SLC6A16: variants seen among roughly 807,000 people sequenced by gnomAD.
SLC6A16 encodes the protein orphan sodium- and chloride-dependent neurotransmitter transporter NTT5.
Under a neutral mutation model 65.4 loss-of-function variants are expected in SLC6A16, and 54 were observed. The ratio of observed to expected loss-of-function variants is 0.83; its 90% CI spans 0.66 to 1.04. The LOEUF (loss-of-function observed/expected upper bound fraction) is 1.04. Ranked by LOEUF, SLC6A16 falls within the 50% of genes least tolerant of loss-of-function variation. The pLI, the probability that SLC6A16 is intolerant of heterozygous loss-of-function variation, is 0.00. For synonymous variants in SLC6A16, 330 were observed against 346.5 expected (o/e 0.95, Z 0.53); for missense variants, 816 against 914.0 (o/e 0.89, Z 1.38).
chr19:49,293,702 T>A, intron 9 of SLC6A16, 125 bp downstream of exon 9: 2 of 825,058 alleles, frequency 2.4e-6, no homozygotes, highest in Middle Eastern at 7.3e-4. Flanking sequence ...AGGCAGAAGT[T>A]GCAGTAAGCC....
intron 1 of SLC6A16, among the ~76,000 whole-genome samples, chr19:49,318,686 A>ATAGCTAGATAGCTAGC (rs1473634695): frequency 5.9e-5 from 9 of 152,134 alleles, no homozygotes. Context: ...GGAATATAAG[A>ATAGCTAGATAGCTAGC]TAGCTAGATA....
chr19:49,300,389 G>A (rs1467159851), intron 7 of SLC6A16, among the ~76,000 whole-genome samples: 1 of 152,152 alleles, frequency 6.6e-6, no homozygotes, highest in African/African-American at 2.4e-5. Context: ...AGGAATGCAT[G>A]TAAATGGATA....
chr19:49,330,237 C>T, the SLC6A16 span, among the ~76,000 whole-genome samples: 1 of 151,950 alleles, frequency 6.6e-6, no homozygotes, highest in Non-Finnish European at 1.5e-5. Flanking sequence ...TCGTTTTGGG[C>T]GTGTTAAGTT....
At chr19:49,333,744 G>T in the SLC6A16 span, among the ~76,000 whole-genome samples, 1 of 152,198 alleles carries the variant, frequency 6.6e-6, no homozygotes. Context: ...AGAGACTGAT[G>T]CGCTGTTGGG....
At chr19:49,304,595 G>A (rs973477526) in intron 7 of SLC6A16, among the ~76,000 whole-genome samples, 2 of 152,086 alleles carry the variant, frequency 1.3e-5, no homozygotes, top group Middle Eastern at 3.4e-3. Flanking sequence ...GAGAAACCCC[G>A]TCTCTACTAA....
Position 49,292,200 on chromosome 19 carries a change from C to G in SLC6A16, c.1778+1023G>C, listed in dbSNP as rs554935830. Among the ~76,000 whole-genome samples, 1 of 152,194 alleles carries G rather than the reference C, an allele frequency of 6.6e-6. No individual in the cohort carries two copies. Among genetic ancestry groups the G allele is most frequent in the Non-Finnish European group, 1.5e-5 (1 of 68,002 alleles). On this transcript the variant is annotated intron_variant, in intron 10 of 11. Transcript: ENST00000335875. This position sits in a 1 kb window ranked among gnomAD's most constrained non-coding sequence, Gnocchi z 4.3. ...TGGCCAACATGGTGAAACCCCGTCT[C>G]TACTAAGAATACAAAAATTAGCCGG...
the SLC6A16 span, among the ~76,000 whole-genome samples, chr19:49,332,851 T>C: frequency 6.6e-6 from 1 of 151,888 alleles, no homozygotes; most frequent in Non-Finnish European, 1.5e-5. Flanking sequence ...CAGAGAGGCG[T>C]TGGTGGTGGT....
intron 7 of SLC6A16, among the ~76,000 whole-genome samples, chr19:49,296,076 G>A (rs1380886933): frequency 5.9e-5 from 9 of 152,058 alleles, no homozygotes; most frequent in Non-Finnish European, 1.2e-4. Flanking sequence ...TGCAACCTCC[G>A]CCTCCCAGGT....
intron 7 of SLC6A16, among the ~76,000 whole-genome samples, chr19:49,298,683 C>T (rs1411536402): frequency 6.6e-6 from 1 of 152,170 alleles, no homozygotes; most frequent in African/African-American, 2.4e-5. Context: ...TACCATTCAA[C>T]CCAGCAATCC....
chr19:49,290,227 G>C lies in SLC6A16; in HGVS notation c.2107C>G (p.Leu703Val). ...GDGPMTASTS[L>V]PLSHQLTPSK... is the part of the protein sequence containing the mutation. ...GGTGTTAGCTGGTGACTTAGGGGTA[G>C]GGATGTGGAGGCTGTCATAGGCCCG... Residue 703 changes from leucine (L) to valine (V), a missense_variant, in exon 12 of 12, where the codon CTA becomes GTA. Leu to Val is a conservative substitution (Grantham distance 32). Coordinates refer to ENST00000335875, the MANE Select transcript of SLC6A16 (RefSeq NM_014037.3). 1 of 1,614,178 alleles carries C rather than the reference G, an allele frequency of 6.2e-7. No individual in the cohort carries two copies.
In SLC6A16 at chr19:49,293,755, G is replaced by C; in HGVS notation, c.1618+72C>G. ...CTCCAGCCTGGGCTACAGGGACCCTGTCCCAAAAAAAGAGTCCCAGTGGTG... is the reference window on the plus strand; with the variant it reads ...CTCCAGCCTGGGCTACAGGGACCCTCTCCCAAAAAAAGAGTCCCAGTGGTG... On this transcript the variant is annotated intron_variant, in intron 9 of 11. Transcript: ENST00000335875. The C allele has an allele frequency of 2.9e-6, 4 of 1,372,096 alleles. No homozygotes were observed. The South Asian group carries it at 4.7e-5, about 16-fold the overall frequency. The allele number at this position is 1,372,096 out of a possible 1,614,324, so 85.0% of individuals were successfully genotyped here.
rs900003015 is a variant in SLC6A16, at chr19:49,290,345, C to T, written c.1989G>A (p.Met663Ile). The T allele has an allele frequency of 1.9e-6, 3 of 1,613,752 alleles. No homozygotes were observed. In the African/African-American group the frequency reaches 4.0e-5, roughly 22 times the overall value. The stretch of plus-strand genomic sequence containing the variant: ...GGATGACAATGGCAAAAAGGGTGAT[C>T]ATCAAGAGCAGTGCCCACGGTGGGT... ...RPYPPWALLL[M>I]ITLFAIVILP... The change falls in exon 12 of 12, where the codon ATG becomes ATA. Residue 663 changes from methionine to isoleucine, a missense_variant. Physicochemically the swap from Met to Ile is conservative, Grantham distance 10 (BLOSUM62 1). Coordinates refer to ENST00000335875, the MANE Select transcript of SLC6A16 (RefSeq NM_014037.3).
At chr19:49,315,808 G>A (rs547029351) in intron 1 of SLC6A16, among the ~76,000 whole-genome samples, 32 of 143,354 alleles carry the variant, frequency 2.2e-4, no homozygotes, top group Non-Finnish European at 4.0e-4. Flanking sequence ...AAAAAAAAAA[G>A]ATTATACTTA....
At chr19:49,327,022 GAA>G (rs893177408), upstream of SLC6A16, among the ~76,000 whole-genome samples, 1 of 137,552 alleles carries the variant, frequency 7.3e-6, no homozygotes, top group Admixed American at 7.2e-5. Context: ...CTGTCTCAAG[GAA>G]AAAAAAAAAA....
intron 11 of SLC6A16, 106 bp from the exon 12 acceptor site, chr19:49,290,498 G>C: frequency 1.3e-6 from 2 of 1,556,054 alleles, no homozygotes; most frequent in Admixed American, 3.5e-5. Context: ...AAACCCATGA[G>C]TCTTCGGGCA....
At chr19:49,337,074 T>A in the SLC6A16 span, 2 of 1,613,958 alleles carry the variant, frequency 1.2e-6, no homozygotes, top group Non-Finnish European at 8.5e-7. Flanking sequence ...AACACTCCTA[T>A]CCCCACCCTC....
chr19:49,322,915 G>A (rs1970738869), intron 1 of SLC6A16, among the ~76,000 whole-genome samples: 1 of 114,676 alleles, frequency 8.7e-6, no homozygotes, highest in South Asian at 3.0e-4. Flanking sequence ...AAGGGACCCT[G>A]AACAGCCAAA....
chr19:49,296,669 A>G (rs1427184691), intron 7 of SLC6A16, among the ~76,000 whole-genome samples: 1 of 152,222 alleles, frequency 6.6e-6, no homozygotes, highest in African/African-American at 2.4e-5. Context: ...AGAAAAAGCA[A>G]AAACTTTAAA....
chr19:49,291,410 T>G (rs959179936), intron 10 of SLC6A16, among the ~76,000 whole-genome samples: 2 of 152,044 alleles, frequency 1.3e-5, no homozygotes, highest in African/African-American at 4.8e-5. Context: ...TCTGCTTATA[T>G]ACGTCTTTCT....
Sources: gnomAD v4.1 joint callset for allele counts (sites outside exome capture counted in the v4.1 genomes callset) on GRCh38, gnomAD v4.1.1 for gene constraint, Gnocchi (gnomAD v3.1) non-coding constraint, MANE v1.5 for transcripts, NCBI Gene and HGNC (gene_info 2026-07-23, HGNC 2026-07-21) for gene names.